NEBL: variants seen among roughly 807,000 people sequenced by gnomAD.
NEBL encodes the protein LIM and SH3 protein 2.
Under a neutral mutation model 140.2 loss-of-function variants are expected in NEBL, and 122 were observed. The observed-to-expected ratio is 0.87, with a 90% confidence interval of 0.75 to 1.01. NEBL has a LOEUF of 1.01. Ranked by LOEUF, NEBL falls within the 50% of genes least tolerant of loss-of-function variation. The pLI is 0.00. For missense variants in NEBL, 1,365 were observed against 1,231.3 expected (o/e 1.11, Z -1.62); for synonymous variants, 436 against 398.9 (o/e 1.09, Z -1.11).
At chr10:21,208,230 C>T (rs1325793495) in intron 3 of NEBL, among the ~76,000 whole-genome samples, 1 of 152,178 alleles carries the variant, frequency 6.6e-6, no homozygotes, top group Non-Finnish European at 1.5e-5. Flanking sequence ...TCTTTGATGA[C>T]TCAGCTCATG....
chr10:21,210,856 T>C (rs919262556), intron 3 of NEBL, among the ~76,000 whole-genome samples: 4 of 152,254 alleles, frequency 2.6e-5, no homozygotes, highest in Non-Finnish European at 5.9e-5. Flanking sequence ...GTACACGCTA[T>C]GTATGAGCTA....
intron 2 of NEBL, among the ~76,000 whole-genome samples, chr10:21,143,320 G>A (rs1156490177): frequency 6.6e-6 from 1 of 151,824 alleles, no homozygotes; most frequent in Admixed American, 6.6e-5. Context: ...GTGGTGGTGG[G>A]TGTCTGTAAT....
At chr10:20,793,849 T>C (rs1458124753) in intron 26 of NEBL, among the ~76,000 whole-genome samples, 2 of 152,170 alleles carry the variant, frequency 1.3e-5, no homozygotes, top group African/African-American at 4.8e-5. Flanking sequence ...AGCCACTGTG[T>C]CTGGCTGGTG....
chr10:20,985,321 A>G (rs548096665), intron 3 of NEBL, among the ~76,000 whole-genome samples: 1 of 152,284 alleles, frequency 6.6e-6, no homozygotes, highest in East Asian at 1.9e-4. Context: ...CATGCCCTTC[A>G]ACCTCAAATG....
chr10:21,175,975 TTTAAG>T (rs1448958966), upstream of NEBL, among the ~76,000 whole-genome samples: 3 of 152,170 alleles, frequency 2.0e-5, no homozygotes, highest in Non-Finnish European at 2.9e-5. Context: ...ACCTTTGAAC[TTTAAG>T]TTATGTTTAA....
chr10:20,905,377 G>A (rs1310422605), intron 4 of NEBL, among the ~76,000 whole-genome samples: 1 of 152,148 alleles, frequency 6.6e-6, no homozygotes, highest in Non-Finnish European at 1.5e-5. Context: ...GGCTGGGGAG[G>A]CCTCAGGAAA....
At chr10:21,168,516 C>G (rs1296580034) in intron 2 of NEBL, among the ~76,000 whole-genome samples, 1 of 151,988 alleles carries the variant, frequency 6.6e-6, no homozygotes, top group Non-Finnish European at 1.5e-5. Context: ...AGTATGAGCG[C>G]TGATTGGATC....
At chr10:21,283,286 A>G (rs1258834325) in intron 1 of NEBL, among the ~76,000 whole-genome samples, 1 of 152,194 alleles carries the variant, frequency 6.6e-6, no homozygotes, top group Non-Finnish European at 1.5e-5. Context: ...CAACAACAGG[A>G]AGTTACCCTA....
intron 3 of NEBL, among the ~76,000 whole-genome samples, chr10:21,008,927 T>A (rs1219323918): frequency 6.6e-6 from 1 of 151,358 alleles, no homozygotes; most frequent in Non-Finnish European, 1.5e-5. Context: ...GTATATTACA[T>A]ATAATATTTA....
At chr10:21,202,593 G>C (rs1348750993) in intron 3 of NEBL, among the ~76,000 whole-genome samples, 1 of 150,606 alleles carries the variant, frequency 6.6e-6, no homozygotes, top group Non-Finnish European at 1.5e-5. Flanking sequence ...CTCCCAAGTA[G>C]CTGGGACTAC....
chr10:21,155,314 T>C (rs1329364331), intron 2 of NEBL, among the ~76,000 whole-genome samples: 5 of 152,250 alleles, frequency 3.3e-5, no homozygotes, highest in Admixed American at 6.5e-5. Context: ...TATTTTTAAA[T>C]GTACAATTAA....
At chr10:21,046,529 T>A (rs1349145447) in intron 2 of NEBL, among the ~76,000 whole-genome samples, 7 of 152,210 alleles carry the variant, frequency 4.6e-5, no homozygotes, top group African/African-American at 1.7e-4. Flanking sequence ...GACATATGAC[T>A]TTTCATTTGT....
intron 7 of NEBL, among the ~76,000 whole-genome samples, chr10:20,860,567 G>GAA (rs386370893): frequency 3.4e-5 from 4 of 118,132 alleles, no homozygotes; most frequent in African/African-American, 1.4e-4. Context: ...ACTACAAAAA[G>GAA]AAAAAAAAAA....
At chr10:20,865,528 G>A (rs781714247) in intron 7 of NEBL, among the ~76,000 whole-genome samples, 9 of 152,060 alleles carry the variant, frequency 5.9e-5, no homozygotes, top group East Asian at 5.8e-4. Context: ...CTGCTTCTCC[G>A]GGATTTGCTT....
chr10:21,025,940 A>G (rs1056625896), intron 2 of NEBL, among the ~76,000 whole-genome samples: 3 of 152,196 alleles, frequency 2.0e-5, no homozygotes, highest in Admixed American at 1.3e-4. Flanking sequence ...TATTAATATT[A>G]TGGCTACTAA....
At chr10:20,847,216 TA>T (rs1046596542) in intron 11 of NEBL, among the ~76,000 whole-genome samples, 2 of 152,204 alleles carry the variant, frequency 1.3e-5, no homozygotes, top group African/African-American at 2.4e-5. Context: ...TTAGCTACTT[TA>T]TTTTTCTGGC....
chr10:20,810,426 AG>A (rs1838026453), intron 24 of NEBL, among the ~76,000 whole-genome samples: 1 of 152,260 alleles, frequency 6.6e-6, no homozygotes, highest in Non-Finnish European at 1.5e-5. Flanking sequence ...AATGGTGGCA[AG>A]CCTAGTTTTC....
chr10:20,835,813 G>C (rs561890539), intron 13 of NEBL, among the ~76,000 whole-genome samples, 190 bp from the exon 14 acceptor site: 1 of 152,294 alleles, frequency 6.6e-6, no homozygotes, highest in South Asian at 2.1e-4. Flanking sequence ...TCTCACTGAA[G>C]AAGGGCATGC....
chr10:21,127,367 A>G (rs1478045644), intron 2 of NEBL, among the ~76,000 whole-genome samples: 1 of 152,206 alleles, frequency 6.6e-6, no homozygotes, highest in Non-Finnish European at 1.5e-5. Context: ...TGTGACTTCT[A>G]GAGAAGTCCA....
Sources: gnomAD v4.1 joint callset for allele counts (sites outside exome capture counted in the v4.1 genomes callset) on GRCh38, gnomAD v4.1.1 for gene constraint, MANE v1.5 for transcripts, NCBI Gene and HGNC (gene_info 2026-07-23, HGNC 2026-07-21) for gene names.